TBC1D5: variants seen among roughly 807,000 people sequenced by gnomAD.
The protein encoded by TBC1D5 is TBC1 domain family, member 5.
TBC1D5 carries 75 observed loss-of-function variants against 100.3 expected under a neutral mutation model. That is an observed-to-expected ratio of 0.75 (90% CI 0.62 to 0.91). The LOEUF (loss-of-function observed/expected upper bound fraction) is 0.91. Ranked by LOEUF, TBC1D5 falls within the 40% of genes least tolerant of loss-of-function variation. The pLI is 0.00. For missense variants in TBC1D5, 910 were observed against 942.4 expected (o/e 0.97, Z 0.45); for synonymous variants, 323 against 325.6 (o/e 0.99, Z 0.09).
At chr3:17,651,519 GC>G (rs1179161478) in intron 1 of TBC1D5, among the ~76,000 whole-genome samples, 1 of 152,008 alleles carries the variant, frequency 6.6e-6, no homozygotes, top group Non-Finnish European at 1.5e-5. Flanking sequence ...GACCAGTCTG[GC>G]CAACATGGTG....
intron 4 of TBC1D5, among the ~76,000 whole-genome samples, chr3:17,418,873 A>T (rs2094145240): frequency 6.6e-6 from 1 of 152,304 alleles, no homozygotes; most frequent in South Asian, 2.1e-4. Context: ...GGCCCTCCAT[A>T]CATGAGATTC....
intron 18 of TBC1D5, among the ~76,000 whole-genome samples, chr3:17,208,096 C>T (rs555907933): frequency 2.6e-5 from 4 of 152,298 alleles, no homozygotes; most frequent in South Asian, 2.1e-4. Flanking sequence ...GGCCTGGAAA[C>T]GAAAGCAAAT....
chr3:17,516,515 C>G (rs1285608823), intron 2 of TBC1D5, among the ~76,000 whole-genome samples: 1 of 152,126 alleles, frequency 6.6e-6, no homozygotes, highest in Non-Finnish European at 1.5e-5. Context: ...CAGAAATTGT[C>G]ATTCACCAAC....
chr3:17,678,734 T>C (rs1022467927), intron 1 of TBC1D5, among the ~76,000 whole-genome samples: 6 of 148,558 alleles, frequency 4.0e-5, no homozygotes, highest in Non-Finnish European at 5.9e-5. Context: ...TGAAAGACAT[T>C]TGCTCTTAAA....
At chr3:17,251,930 T>TTAAGA (rs1428314105) in intron 16 of TBC1D5, among the ~76,000 whole-genome samples, 1 of 152,206 alleles carries the variant, frequency 6.6e-6, no homozygotes, top group Non-Finnish European at 1.5e-5. Context: ...TCTAACTTAT[T>TTAAGA]TAAGAATCTG....
chr3:17,163,482 C>T (rs1481605311), intron 21 of TBC1D5, among the ~76,000 whole-genome samples: 1 of 152,032 alleles, frequency 6.6e-6, no homozygotes, highest in Non-Finnish European at 1.5e-5. Context: ...TTTGTAAATC[C>T]CTAGGTCAAT....
chr3:17,653,006 G>A (rs896232151), intron 1 of TBC1D5, among the ~76,000 whole-genome samples: 4 of 152,054 alleles, frequency 2.6e-5, no homozygotes, highest in African/African-American at 9.7e-5. Context: ...GCTAAGATAC[G>A]GACAAACCTT....
At chr3:17,341,703 C>T (rs948444057) in intron 13 of TBC1D5, among the ~76,000 whole-genome samples, 2 of 152,094 alleles carry the variant, frequency 1.3e-5, no homozygotes, top group African/African-American at 4.8e-5. Context: ...TAGACTACTA[C>T]ATTTAAATGA....
intron 4 of TBC1D5, among the ~76,000 whole-genome samples, chr3:17,408,738 T>C (rs985812925): frequency 3.9e-5 from 6 of 152,300 alleles, no homozygotes; most frequent in African/African-American, 1.2e-4. Flanking sequence ...AGCCAATTTT[T>C]TAACCCAATT....
chr3:17,496,360 C>T (rs1340141323), intron 3 of TBC1D5, among the ~76,000 whole-genome samples: 1 of 152,028 alleles, frequency 6.6e-6, no homozygotes, highest in African/African-American at 2.4e-5. Context: ...CCTAGAGGAA[C>T]GAATTCTACA....
At chr3:17,494,817 C>T (rs2095685089) in intron 3 of TBC1D5, among the ~76,000 whole-genome samples, 3 of 152,230 alleles carry the variant, frequency 2.0e-5, no homozygotes, top group Non-Finnish European at 4.4e-5. Context: ...TAGGCAGTCT[C>T]CAGCCTGCTG....
At chr3:17,187,788 C>T (rs141559671) in intron 18 of TBC1D5, among the ~76,000 whole-genome samples, 125 of 152,306 alleles carry the variant, frequency 8.2e-4, no homozygotes, top group African/African-American at 2.6e-3. Flanking sequence ...GCCTGTGTTT[C>T]GCCTTACAAG....
chr3:17,601,814 T>G (rs2060966027), intron 2 of TBC1D5, among the ~76,000 whole-genome samples: 1 of 152,118 alleles, frequency 6.6e-6, no homozygotes, highest in Non-Finnish European at 1.5e-5. Flanking sequence ...TATCACACAG[T>G]TAATAAGTGG....
chr3:17,429,743 C>T (rs2094413735), intron 3 of TBC1D5, among the ~76,000 whole-genome samples: 1 of 151,786 alleles, frequency 6.6e-6, no homozygotes, highest in South Asian at 2.1e-4. Flanking sequence ...ATTTTAATGA[C>T]AGCTACCTAT....
At chr3:17,233,397 T>C (rs1368190178) in intron 17 of TBC1D5, among the ~76,000 whole-genome samples, 3 of 152,146 alleles carry the variant, frequency 2.0e-5, no homozygotes, top group Non-Finnish European at 4.4e-5. Flanking sequence ...ACACAAAGTA[T>C]ACTATGTTAT....
At position 17,529,079 on chromosome 3, in the gene TBC1D5, T is replaced by C. The variant is rs111773804; in HGVS notation, c.-35-20474A>G. Reference sequence around the variant, plus strand: ...CTCAATAAAGATCACTGCAGTTAGATTGATTTTTAAAACAGTAAATCTAAT... The same window carrying C: ...CTCAATAAAGATCACTGCAGTTAGACTGATTTTTAAAACAGTAAATCTAAT... On this transcript the variant is annotated intron_variant, in intron 2 of 21. Coordinates refer to ENST00000253692, the Ensembl canonical transcript of TBC1D5. Among the ~76,000 whole-genome samples the C allele has an allele frequency of 1.0e-2, 1,517 of 152,324 alleles. 12 individuals are homozygous for C. The highest frequency in any genetic ancestry group is 0.016 in the Admixed American group (250 of 15,300).
intron 18 of TBC1D5, among the ~76,000 whole-genome samples, chr3:17,189,962 T>C (rs913334889): frequency 4.6e-5 from 7 of 152,374 alleles, no homozygotes; most frequent in Admixed American, 2.6e-4. Context: ...AAATTGTTTT[T>C]TGAATTTGCT....
chr3:17,587,818 A>G (rs1280913146), intron 2 of TBC1D5, among the ~76,000 whole-genome samples: 1 of 152,084 alleles, frequency 6.6e-6, no homozygotes. Context: ...AAAAATTGCT[A>G]TACCACTAAA....
chr3:17,202,473 G>C (rs1280289421), intron 18 of TBC1D5, among the ~76,000 whole-genome samples: 2 of 152,246 alleles, frequency 1.3e-5, no homozygotes, highest in African/African-American at 4.8e-5. Flanking sequence ...ATTCAAGCTG[G>C]CTGCAGAAAT....
Sources: gnomAD v4.1 joint callset for allele counts (sites outside exome capture counted in the v4.1 genomes callset) on GRCh38, gnomAD v4.1.1 for gene constraint, MANE v1.5 for transcripts, NCBI Gene and HGNC (gene_info 2026-07-23, HGNC 2026-07-21) for gene names.